The following SPAG8 variants were observed in gnomAD, a reference collection of about 807,000 sequenced individuals.
The protein encoded by SPAG8 is sperm associated antigen 8, also known as sperm-associated antigen 8.
In SPAG8, 36 loss-of-function variants were observed where a neutral mutation model predicts 45.3. The observed-to-expected ratio is 0.80, with a 90% CI of 0.61 to 1.05. SPAG8 has a LOEUF of 1.05. Ranked by LOEUF, SPAG8 falls within the 50% of genes least tolerant of loss-of-function variation. The pLI is 0.00. For missense variants in SPAG8, 573 were observed against 609.2 expected (o/e 0.94, Z 0.63); for synonymous variants, 227 against 232.6 (o/e 0.98, Z 0.22).
At position 35,812,261 on chromosome 9, in the gene SPAG8, G is replaced by A. The variant is rs1399595207; in HGVS notation, c.-114C>T. On this transcript the variant is annotated 5_prime_UTR_variant, in exon 1 of 7. Transcript: ENST00000396638. The stretch of plus-strand genomic sequence containing the variant: ...GCGGTGGAGGCAAGTCCTCTGCGGG[G>A]CGGAAGTCTTCAGCCTAGTGCTGTT... The A allele has an allele frequency of 3.3e-6, 4 of 1,222,018 alleles. No individual in the cohort carries two copies. The Admixed American group carries it at 6.4e-5, about 19-fold the overall frequency. 75.7% of individuals were successfully genotyped at this position (1,222,018 alleles called of 1,614,324 possible).
downstream of SPAG8, chr9:35,809,436 AC>A: frequency 6.2e-7 from 1 of 1,613,934 alleles, no homozygotes; most frequent in Non-Finnish European, 8.5e-7. This position sits in a 1 kb window ranked among gnomAD's most constrained non-coding sequence, Gnocchi z 4.1. Flanking sequence ...GACCTCCTGG[AC>A]TCCTGTAAAC....
downstream of SPAG8, chr9:35,809,275 A>G (rs758766375): frequency 3.1e-6 from 5 of 1,611,140 alleles, no homozygotes; most frequent in African/African-American, 6.7e-5. The surrounding 1 kb of genome is among the most constrained non-coding windows in gnomAD (Gnocchi z 4.1). Context: ...GGAGGGGGGC[A>G]TGGAAAGGGA....
rs1171359040 is a variant in SPAG8 at position 35,809,881 on chromosome 9, C to G, written c.*57G>C. On this transcript the variant is annotated 3_prime_UTR_variant, in exon 7 of 7. Coordinates refer to ENST00000396638, the MANE Select transcript of SPAG8 (RefSeq NM_001039592.2). This position sits in a 1 kb window ranked among gnomAD's most constrained non-coding sequence, Gnocchi z 4.1. ...GTGAGAATTAACTTCCTCCCGACCT[C>G]TCTAGTGCAGACAGAAATAGATTCC... The G allele has an allele frequency of 1.9e-6, 3 of 1,538,820 alleles. No homozygotes were observed. Among genetic ancestry groups the G allele is most frequent in the African/African-American group, 1.4e-5 (1 of 72,270 alleles).
chr9:35,809,100 G>A, downstream of SPAG8: 1 of 1,486,886 alleles, frequency 6.7e-7, no homozygotes, highest in Non-Finnish European at 9.4e-7. This position sits in a 1 kb window ranked among gnomAD's most constrained non-coding sequence, Gnocchi z 4.1. Flanking sequence ...CCAATTATTT[G>A]ATTGCCTTTT....
Position 35,811,878 on chromosome 9 carries a change from TGATGCAGCCGCTGCAGCTGCTGCG to T in SPAG8, c.144_167del (p.Ala53_Ala60del). 6.2e-7 allele frequency: 1 copy of T among 1,609,708 alleles called. No individual in the cohort carries two copies. The highest frequency in any genetic ancestry group is 8.5e-7 in the Non-Finnish European group (1 of 1,177,094). On this transcript the variant is annotated inframe_deletion, in exon 2 of 7. Coordinates refer to ENST00000396638, the MANE Select transcript of SPAG8 (RefSeq NM_001039592.2). The stretch of plus-strand genomic sequence containing the variant: ...TGAAGGCTGCAGTAGCTGCAGCAGC[TGATGCAGCCGCTGCAGCTGCTGCG>T]GTTGCAGCTGCCAGGGCCGACCTGG...
intron 3 of SPAG8, 23 bp from the exon 4 acceptor site, chr9:35,810,705 GC>G (rs1309782984): frequency 6.2e-7 from 1 of 1,614,026 alleles, no homozygotes. Context: ...TGGGGGGTGG[GC>G]AAGGTGGGGT....
In SPAG8 at chr9:35,811,449, A is replaced by C; in HGVS notation, c.597T>G (p.Pro199=). 1 of 1,613,894 alleles carries C rather than the reference A, an allele frequency of 6.2e-7. No individual in the cohort carries two copies. Among genetic ancestry groups the C allele is most frequent in the Non-Finnish European group, 8.5e-7 (1 of 1,179,840 alleles). ...CAGAGTCAGGGCCAGTGTCTGGACC[A>C]GGCCCAGAGGCAGGACCAGGATGAG... ...SGSHPGPASG[P]GPDTGPDSEL... Residue 199 remains proline, a synonymous_variant, in exon 2 of 7, where the codon CCT becomes CCG. Coordinates refer to ENST00000396638, the MANE Select transcript of SPAG8 (RefSeq NM_001039592.2).
In SPAG8 at chr9:35,811,912, G is replaced by C; in HGVS notation, c.134C>G (p.Ala45Gly). 2 of 1,609,630 alleles carry C rather than the reference G, an allele frequency of 1.2e-6. No individual in the cohort carries two copies. The highest frequency in any genetic ancestry group is 1.7e-6 in the Non-Finnish European group (2 of 1,176,678). ...CGCTGCAGCTGCTGCGGTTGCAGCT[G>C]CCAGGGCCGACCTGGGACTGTCATC... ...SSDDSPRSALAAATAAAAAAA... is the reference protein window; with the variant it reads ...SSDDSPRSALGAATAAAAAAA... Residue 45 changes from alanine to glycine, a missense_variant, in exon 2 of 7, where the codon GCA becomes GGA. Ala to Gly is a moderately conservative substitution (Grantham distance 60, BLOSUM62 0). Coordinates refer to ENST00000396638, the MANE Select transcript of SPAG8 (RefSeq NM_001039592.2).
chr9:35,808,350 C>G, downstream of SPAG8: 1 of 1,448,166 alleles, frequency 6.9e-7, no homozygotes, highest in Non-Finnish European at 9.7e-7. The surrounding 1 kb of genome is among the most constrained non-coding windows in gnomAD (Gnocchi z 4.0). Flanking sequence ...GACATCTCCT[C>G]TCCCCTAGAC....
At chr9:35,810,768 C>T in intron 3 of SPAG8, 86 bp from the exon 4 acceptor site, 24 of 1,603,290 alleles carry the variant, frequency 1.5e-5, no homozygotes, top group Non-Finnish European at 2.0e-5. Flanking sequence ...GGAAGAAGAA[C>T]CTTGGGGTTC....
At chr9:35,810,724 A>C in intron 3 of SPAG8, 42 bp from the exon 4 acceptor site, 1 of 1,613,106 alleles carries the variant, frequency 6.2e-7, no homozygotes, top group Non-Finnish European at 8.5e-7. Flanking sequence ...GGTCTGGTTA[A>C]GAAGGAGGCC....
In SPAG8 at chr9:35,811,667, T is replaced by G. The variant is rs1828808415; in HGVS notation, c.379A>C (p.Thr127Pro). Residue 127 changes from threonine (T) to proline (P), a missense_variant, in exon 2 of 7, where the codon ACT becomes CCT. Physicochemically the swap from Thr to Pro is conservative, Grantham distance 38. Coordinates refer to ENST00000396638, the MANE Select transcript of SPAG8 (RefSeq NM_001039592.2). ...YVSCIAQDTCTTTDHSSNPGP... is the reference protein window; with the variant it reads ...YVSCIAQDTCPTTDHSSNPGP... ...GGATTAGAACTATGGTCAGTTGTAG[T>G]GCAAGTGTCCTGAGCAATACAGGAA... is the stretch of plus-strand genomic sequence containing the variant. The G allele has an allele frequency of 6.2e-7, 1 of 1,614,080 alleles. No homozygotes were observed. The highest frequency in any genetic ancestry group is 8.5e-7 in the Non-Finnish European group (1 of 1,180,048).
At chr9:35,808,608 C>G, downstream of SPAG8, 7 of 1,614,180 alleles carry the variant, frequency 4.3e-6, no homozygotes, top group Non-Finnish European at 5.9e-6. This position sits in a 1 kb window ranked among gnomAD's most constrained non-coding sequence, Gnocchi z 4.0. Context: ...CCTAGCATTA[C>G]TAGATGCAGT....
At position 35,810,495 on chromosome 9, in the gene SPAG8, T is replaced by G; in HGVS notation, c.1144A>C (p.Thr382Pro). 7 of 1,614,186 alleles carry G rather than the reference T, an allele frequency of 4.3e-6. No homozygotes were observed. The highest frequency in any genetic ancestry group is 5.9e-6 in the Non-Finnish European group (7 of 1,180,028). Residue 382 changes from threonine to proline, a missense_variant, in exon 5 of 7, where the codon ACA (threonine) becomes CCA (proline). By Grantham distance (38) the Thr-to-Pro change is conservative. Coordinates refer to ENST00000396638, the MANE Select transcript of SPAG8 (RefSeq NM_001039592.2). ...TRKLFEVESVTHHDYRMELAQ... is the reference protein window; with the variant it reads ...TRKLFEVESVPHHDYRMELAQ... ...AGCTCCATTCGGTAGTCATGGTGTG[T>G]CACAGACTCAACCTCGAAGAGCTTC...
At position 35,809,930 on chromosome 9, in the gene SPAG8, C is replaced by T. The variant is rs748053961; in HGVS notation, c.*8G>A. The stretch of plus-strand genomic sequence containing the variant: ...CCATATTCCATACCCCACTTCCCTC[C>T]TCACCCCTCAGAAAGGAGTCATTCT... On this transcript the variant is annotated 3_prime_UTR_variant, in exon 7 of 7. Transcript: ENST00000396638. The surrounding 1 kb of genome is among the most constrained non-coding windows in gnomAD (Gnocchi z 4.1). 18 of 1,562,290 alleles carry T rather than the reference C, an allele frequency of 1.2e-5. No individual in the cohort carries two copies. Among genetic ancestry groups the T allele is most frequent in the Non-Finnish European group, 1.6e-5 (18 of 1,157,730 alleles).
chr9:35,811,620 G>A lies in SPAG8; in HGVS notation c.426C>T (p.Ser142=), dbSNP rs1828805677. The part of the protein sequence containing the change: ...SSNPGPVPGS[S]SGPVLGSSSG... ...AGCTGGAACCAAGAACAGGCCCAGA[G>A]CTAGAGCCTGGAACAGGGCCAGGAT... Residue 142 remains serine (S), a synonymous_variant, in exon 2 of 7, where the codon AGC becomes AGT. Transcript: ENST00000396638. The A allele has an allele frequency of 6.2e-7, 1 of 1,613,974 alleles. No individual in the cohort carries two copies. Among genetic ancestry groups the A allele is most frequent in the Admixed American group, 1.7e-5 (1 of 60,006 alleles).
At chr9:35,808,544 T>C (rs1209716268), downstream of SPAG8, 1 of 1,614,034 alleles carries the variant, frequency 6.2e-7, no homozygotes, top group African/African-American at 1.3e-5. This position sits in a 1 kb window ranked among gnomAD's most constrained non-coding sequence, Gnocchi z 4.0. Context: ...TGGTGGTATC[T>C]GGCCTCCCAG....
At chr9:35,808,906 T>C (rs1828583268), downstream of SPAG8, 1 of 1,158,864 alleles carries the variant, frequency 8.6e-7, no homozygotes, top group East Asian at 2.3e-5. This position sits in a 1 kb window ranked among gnomAD's most constrained non-coding sequence, Gnocchi z 4.0. Context: ...CTTGCCCTTT[T>C]CTTCTTTTCA....
rs752746885 is a variant in SPAG8, at chr9:35,811,316, G to A, written c.730C>T (p.Pro244Ser). The stretch of plus-strand genomic sequence containing the variant: ...TCTAAGACTTGCAAAAATTCCCAAG[G>A]TGGTTGTTTCTGGGGCTCCCAGGGG... Reference protein sequence around the residue: ...HCPWEPQKQPPWEFLQVLEPG... With the variant: ...HCPWEPQKQPSWEFLQVLEPG... The change falls in exon 2 of 7, where the codon CCT (proline) becomes TCT (serine). Residue 244 changes from proline (P) to serine (S), a missense_variant. By Grantham distance (74) the Pro-to-Ser change is moderately conservative. Transcript: ENST00000396638. The A allele has an allele frequency of 4.7e-5, 76 of 1,614,056 alleles. No homozygotes were observed. Among genetic ancestry groups the A allele is most frequent in the Non-Finnish European group, 6.4e-5 (75 of 1,180,030 alleles).
Sources: allele counts gnomAD v4.1 joint callset, GRCh38; gene constraint gnomAD v4.1.1; non-coding constraint Gnocchi (gnomAD v3.1); transcripts MANE v1.5; gene names NCBI Gene and HGNC (gene_info 2026-07-23, HGNC 2026-07-21).